MACF1: variants seen among roughly 807,000 people sequenced by gnomAD.
MACF1 encodes microtubule-actin cross-linking factor 1.
A neutral mutation model predicts 854.8 loss-of-function variants in MACF1; 193 were observed. The ratio of observed to expected loss-of-function variants is 0.23; its 90% CI spans 0.20 to 0.25. The LOEUF is 0.25. MACF1 is among the 10% of genes least tolerant of loss of function. MACF1 has a pLI of 1.00. For missense variants in MACF1, 7,722 were observed against 8,929.1 expected (o/e 0.86, Z 5.45); for synonymous variants, 3,185 against 3,226.7 (o/e 0.99, Z 0.44).
chr1:39,444,628 G>A (rs775192233), intron 79 of MACF1, 34 bp from the exon 80 acceptor site: 28 of 1,581,190 alleles, frequency 1.8e-5, no homozygotes, highest in South Asian at 2.3e-5. Flanking sequence ...CAGAGAATTC[G>A]TAGAATTGAT....
rs1553362900 is a variant in MACF1, at chr1:39,406,756, A to AC, written c.15817-15618_15817-15617insC. Among the ~76,000 whole-genome samples the AC allele has an allele frequency of 5.2e-3, 607 of 116,068 alleles. 57 individuals carry two copies. Among genetic ancestry groups the AC allele is most frequent in the African/African-American group, 0.022 (569 of 26,078 alleles). 76.1% of individuals were successfully genotyped at this position (116,068 alleles called of 152,430 possible). A position where few individuals can be genotyped will look rare whatever the true frequency, so the allele number is the denominator to read the frequency against. On this transcript the variant is annotated intron_variant, in intron 58 of 100. Transcript: ENST00000564288. Reference sequence around the variant, plus strand: ...TCTCACTCAAAAAAAAAAAAAAAAAAAACATTCTTTATAATAGAATAACCA... The same window carrying AC: ...TCTCACTCAAAAAAAAAAAAAAAAAACAACATTCTTTATAATAGAATAACCA...
chr1:39,401,026 TTTCTAGCC>T (rs2148592226), intron 58 of MACF1, among the ~76,000 whole-genome samples: 1 of 152,364 alleles, frequency 6.6e-6, no homozygotes, highest in South Asian at 2.1e-4. Flanking sequence ...ATAGGGCTTA[TTTCTAGCC>T]CTAGAGTGGG....
intron 40 of MACF1, among the ~76,000 whole-genome samples, chr1:39,341,208 AT>A (rs1489948245): frequency 6.6e-6 from 1 of 150,412 alleles, no homozygotes. Context: ...TCATTTTTGT[AT>A]TTTTAGTGGA....
intron 1 of MACF1, chr1:39,206,733 G>A (rs1382930220): frequency 1.3e-5 from 2 of 152,034 alleles, no homozygotes; most frequent in Non-Finnish European, 2.9e-5. Flanking sequence ...TTCAATTGGA[G>A]GCTATGGATT....
chr1:39,453,726 A>G lies in MACF1; in HGVS notation c.20762A>G (p.Glu6921Gly). Residue 6921 changes from glutamate (E) to glycine (G), a missense_variant, in exon 88 of 101, where the codon GAA becomes GGA. Physicochemically the swap from Glu to Gly is moderately conservative, Grantham distance 98 (BLOSUM62 -2). This residue lies in a region of MACF1 where 729 missense variants were observed against 900.5 expected (regional missense o/e 0.81). Transcript: ENST00000564288. ...DTHKEFMKKV[E>G]EKRVDVNSAV... ...GTTTAGGAATTCATGAAGAAAGTAGAAGAAAAGCGAGTGGACGTTAACTCA... is the reference window on the plus strand; with the variant it reads ...GTTTAGGAATTCATGAAGAAAGTAGGAGAAAAGCGAGTGGACGTTAACTCA... 1 of 1,614,172 alleles carries G rather than the reference A, an allele frequency of 6.2e-7. No homozygotes were observed. The highest frequency in any genetic ancestry group is 8.5e-7 in the Non-Finnish European group (1 of 1,179,992).
intron 56 of MACF1, among the ~76,000 whole-genome samples, chr1:39,382,785 A>T (rs1225269485): frequency 6.6e-6 from 1 of 152,126 alleles, no homozygotes; most frequent in South Asian, 2.1e-4. Flanking sequence ...TCTGTGATCA[A>T]ACCTCAAAAA....
chr1:39,284,165 C>A lies in MACF1; in HGVS notation c.1015C>A (p.Gln339Lys), dbSNP rs1645602696. ...ACTGATGTCAGATAAAACTTTTCCCCAAAACCCTGTTGAACTAAAGGTAAA... is the reference window on the plus strand; with the variant it reads ...ACTGATGTCAGATAAAACTTTTCCCAAAAACCCTGTTGAACTAAAGGTAAA... ...TILMSDKTFP[Q>K]NPVELKALYN... The change falls in exon 10 of 101, where the codon CAA becomes AAA. Residue 339 changes from glutamine to lysine, a missense_variant. Coordinates refer to ENST00000564288, the MANE Select transcript of MACF1 (RefSeq NM_001394062.1). 3.1e-6 allele frequency: 5 copies of A among 1,613,468 alleles called. No individual in the cohort carries two copies. Among genetic ancestry groups the A allele is most frequent in the Non-Finnish European group, 4.2e-6 (5 of 1,179,806 alleles).
chr1:39,269,197 C>A (rs57607867), intron 6 of MACF1: 1 of 1,289,974 alleles, frequency 7.8e-7, no homozygotes, highest in Non-Finnish European at 1.0e-6. Context: ...GTGGAATTTC[C>A]TAGGACAGCA....
rs760381062 is a variant in MACF1, at chr1:39,287,499, C to T, written c.1722C>T (p.Ser574=). ...GGGCTGAACTTGTGGCCATCAGCTC[C>T]TCTGAAGATGAAGGCAATCTCCGAT... The part of the protein sequence containing the change: ...MTRAELVAIS[S]SEDEGNLRFV... The change falls in exon 15 of 101, where the codon TCC becomes TCT. Residue 574 remains serine (S), a synonymous_variant. Transcript: ENST00000564288. 1.9e-6 allele frequency: 3 copies of T among 1,614,200 alleles called. No individual in the cohort carries two copies. In the South Asian group the frequency reaches 3.3e-5, roughly 18 times the overall value.
chr1:39,261,953 CACCAGTATTTATTGTCTGTTTTAGATT>C (rs1645168191), intron 6 of MACF1, among the ~76,000 whole-genome samples: 1 of 152,188 alleles, frequency 6.6e-6, no homozygotes, highest in East Asian at 1.9e-4. Flanking sequence ...TTTACATCCT[CACCAGTATTTATTGTCTGTTTTAGATT>C]ATAGCTATCA....
Position 39,335,111 on chromosome 1 carries a change from A to G in MACF1, c.8523A>G (p.Glu2841=). 2 of 1,614,144 alleles carry G rather than the reference A, an allele frequency of 1.2e-6. No individual in the cohort carries two copies. The highest frequency in any genetic ancestry group is 1.1e-5 in the South Asian group (1 of 91,080). The change falls in exon 37 of 101, where the codon GAA becomes GAG. Residue 2841 remains glutamate (E), a synonymous_variant. Coordinates refer to ENST00000564288, the MANE Select transcript of MACF1 (RefSeq NM_001394062.1). ...SDGEQAKKSR[E]ISLKEFGCKD... Reference sequence around the variant, plus strand: ...GGGAGCAGGCAAAAAAGAGCAGGGAAATTTCCTTAAAGGAATTTGGGTGCA... The same window carrying G: ...GGGAGCAGGCAAAAAAGAGCAGGGAGATTTCCTTAAAGGAATTTGGGTGCA...
chr1:39,385,416 G>A lies in MACF1; in HGVS notation c.13849-18G>A, dbSNP rs771087935. 3.7e-6 allele frequency: 6 copies of A among 1,610,320 alleles called. No homozygotes were observed. The Admixed American group carries it at 8.4e-5, about 22-fold the overall frequency. On this transcript the variant is annotated intron_variant, in intron 56 of 100. Transcript: ENST00000564288. ...GTTTTTTTCCTGTCTAAACATCTTG[G>A]TGTCATTTCTATTTCAGTTTATGCT... is the stretch of plus-strand genomic sequence containing the variant.
At chr1:39,282,774 T>C (rs903813461) in intron 7 of MACF1, among the ~76,000 whole-genome samples, 3 of 152,126 alleles carry the variant, frequency 2.0e-5, no homozygotes, top group Non-Finnish European at 4.4e-5. Context: ...GGTCAGAGTG[T>C]TCCAGTCGGA....
intron 2 of MACF1, among the ~76,000 whole-genome samples, chr1:39,100,310 A>C (rs541021687): frequency 2.0e-5 from 3 of 152,234 alleles, no homozygotes; most frequent in African/African-American, 7.2e-5. Flanking sequence ...GAGTTGGGGG[A>C]TGGGACATTC....
At position 39,332,985 on chromosome 1, in the gene MACF1, A is replaced by G; in HGVS notation, c.6397A>G (p.Thr2133Ala). ...AAATGCCAGCAGGGGACACCTCCTG[A>G]CCATACCTCCTGCTGAGGCGGAAGG... Reference protein sequence around the residue: ...RENASRGHLLTIPPAEAEGVP... With the variant: ...RENASRGHLLAIPPAEAEGVP... The change falls in exon 37 of 101, where the codon ACC becomes GCC. Residue 2133 changes from threonine to alanine, a missense_variant. By Grantham distance (58) the Thr-to-Ala change is moderately conservative. Around this residue, in one of 15 missense-constraint regions of MACF1, gnomAD observed 1,531 missense variants for 1,601.6 expected, o/e 0.96. Transcript: ENST00000564288. The G allele has an allele frequency of 6.2e-7, 1 of 1,614,142 alleles. No individual in the cohort carries two copies. The highest frequency in any genetic ancestry group is 2.2e-5 in the East Asian group (1 of 44,886).
rs549045486 is a variant in MACF1, at chr1:39,395,694, C to T, written c.15816+7036C>T. On this transcript the variant is annotated intron_variant, in intron 58 of 100. Coordinates refer to ENST00000564288, the MANE Select transcript of MACF1 (RefSeq NM_001394062.1). ...AGTTTGGCTGCTGATATTTATAACCCTTATGTGACCACCCCCACCTCCCCA... is the reference window on the plus strand; with the variant it reads ...AGTTTGGCTGCTGATATTTATAACCTTTATGTGACCACCCCCACCTCCCCA... 2.0e-5 allele frequency among the ~76,000 whole-genome samples: 3 copies of T among 152,262 alleles called. No individual in the cohort carries two copies. The South Asian group carries it at 6.2e-4, about 32-fold the overall frequency.
chr1:39,299,190 A>G (rs991014976), intron 21 of MACF1: 16 of 456,002 alleles, frequency 3.5e-5, no homozygotes, highest in Middle Eastern at 3.3e-4. Flanking sequence ...GATATATTCC[A>G]TTCCTCTTTC....
rs767356188 is a variant in MACF1, at chr1:39,334,740, G to A, written c.8152G>A (p.Val2718Ile). The A allele has an allele frequency of 3.1e-6, 5 of 1,614,000 alleles. No homozygotes were observed. Among genetic ancestry groups the A allele is most frequent in the South Asian group, 1.1e-5 (1 of 91,076 alleles). The change falls in exon 37 of 101, where the codon GTC becomes ATC. Residue 2718 changes from valine (V) to isoleucine (I), a missense_variant. Coordinates refer to ENST00000564288, the MANE Select transcript of MACF1 (RefSeq NM_001394062.1). ...LEEKLVDENM[V>I]RIIASHQVLN... is the part of the protein sequence containing the mutation. Reference sequence around the variant, plus strand: ...AGAGAAACTGGTGGATGAAAACATGGTCAGAATTATTGCATCTCATCAGGT... The same window carrying A: ...AGAGAAACTGGTGGATGAAAACATGATCAGAATTATTGCATCTCATCAGGT...
Position 39,358,679 on chromosome 1 carries a change from T to G in MACF1, c.11944-18T>G, listed in dbSNP as rs1443967597. The stretch of plus-strand genomic sequence containing the variant: ...CTGACCTTGCTTAAGTCTGCTTACC[T>G]TTCTTTCTCTGGCACAGTGTACACG... On this transcript the variant is annotated intron_variant, in intron 45 of 100. Transcript: ENST00000564288. 1.2e-6 allele frequency: 2 copies of G among 1,611,832 alleles called. No homozygotes were observed. The highest frequency in any genetic ancestry group is 3.4e-5 in the Admixed American group (2 of 59,156).
Sources: gnomAD v4.1 joint callset for allele counts (sites outside exome capture counted in the v4.1 genomes callset) on GRCh38, gnomAD v4.1.1 for gene constraint, gnomAD v4.1.1 regional missense constraint, MANE v1.5 for transcripts, NCBI Gene and HGNC (gene_info 2026-07-23, HGNC 2026-07-21) for gene names.